SCYL3: variants seen among roughly 807,000 people sequenced by gnomAD.
The protein encoded by SCYL3 is SCY1 like pseudokinase 3.
Under a neutral mutation model 73.8 loss-of-function variants are expected in SCYL3, and 35 were observed. The ratio of observed to expected loss-of-function variants is 0.47; its 90% CI spans 0.36 to 0.63. The LOEUF (loss-of-function observed/expected upper bound fraction) is 0.63. Ranked by LOEUF, SCYL3 falls within the 20% of genes least tolerant of loss-of-function variation. SCYL3 has a pLI of 0.00. For missense variants in SCYL3, 712 were observed against 798.9 expected (o/e 0.89, Z 1.31); for synonymous variants, 277 against 295.2 (o/e 0.94, Z 0.63).
chr1:169,852,587 G>T lies in SCYL3; in HGVS notation c.*1126C>A, dbSNP rs1658524411. ...CCACATACAAACTAAGACACTGGTAGTAGCACTCTGAATTGCTATGATAAA... is the reference window on the plus strand; with the variant it reads ...CCACATACAAACTAAGACACTGGTATTAGCACTCTGAATTGCTATGATAAA... On this transcript the variant is annotated 3_prime_UTR_variant, in exon 13 of 13. Coordinates refer to ENST00000367771, the MANE Select transcript of SCYL3 (RefSeq NM_020423.7). 1.2e-5 allele frequency: 7 copies of T among 585,308 alleles called. 1 individual carries two copies. The South Asian group carries it at 1.3e-4, about 11-fold the overall frequency. The allele number at this position is 585,308 out of a possible 1,614,324, so 36.3% of individuals were successfully genotyped here.
In SCYL3 at chr1:169,885,607, T is replaced by C. The variant is rs570692223; in HGVS notation, c.165+3069A>G. On this transcript the variant is annotated intron_variant, in intron 2 of 12. Coordinates refer to ENST00000367771, the MANE Select transcript of SCYL3 (RefSeq NM_020423.7). ...TAAGACAAAATGCAGATGCTTTTTT[T>C]TTTGTAAATGTCCACTATCTGAAGG... Among the ~76,000 whole-genome samples the C allele has an allele frequency of 1.6e-4, 25 of 152,330 alleles. No individual in the cohort carries two copies. The South Asian group carries it at 5.2e-3, about 32-fold the overall frequency.
intron 9 of SCYL3, among the ~76,000 whole-genome samples, chr1:169,863,582 T>C (rs376889364): frequency 6.6e-6 from 1 of 152,174 alleles, no homozygotes; most frequent in East Asian, 1.9e-4. Flanking sequence ...TTAAAAAATA[T>C]GTATACCTAT....
intron 1 of SCYL3, among the ~76,000 whole-genome samples, chr1:169,890,406 G>A (rs1481102601): frequency 2.0e-5 from 3 of 152,120 alleles, no homozygotes; most frequent in African/African-American, 4.8e-5. Context: ...CTACAAATAC[G>A]GCCAATAATT....
At chr1:169,886,177 G>GTAATCCCA (rs1558145911) in intron 2 of SCYL3, among the ~76,000 whole-genome samples, 4 of 152,100 alleles carry the variant, frequency 2.6e-5, no homozygotes, top group African/African-American at 9.7e-5. Flanking sequence ...TGGGTGTGTC[G>GTAATCCCA]GCGCGTGCCT....
chr1:169,854,603 A>T lies in SCYL3; in HGVS notation c.1674T>A (p.Ser558=). 9 of 1,614,056 alleles carry T rather than the reference A, an allele frequency of 5.6e-6. No homozygotes were observed. Among genetic ancestry groups the T allele is most frequent in the Non-Finnish European group, 7.6e-6 (9 of 1,179,984 alleles). The change falls in exon 12 of 13, where the codon TCT becomes TCA. Residue 558 remains serine, a synonymous_variant. Transcript: ENST00000367771. ...GGGGTAAGCTTGATTTCCAAGGCAT[A>T]GACTCTTCAGTGAGTGAAAGCAAAG... is the stretch of plus-strand genomic sequence containing the variant. ...IPALLSLTEE[S]MPWKSSLPQK...
rs1164398563 is a variant in SCYL3 at position 169,853,333 on chromosome 1, G to A, written c.*380C>T. ...TTTTAAAGTTGTATTTCATAATAGA[G>A]CTTACTCTTATGTTAAAGAATGGCA... is the stretch of plus-strand genomic sequence containing the variant. On this transcript the variant is annotated 3_prime_UTR_variant, in exon 13 of 13. Coordinates refer to ENST00000367771, the MANE Select transcript of SCYL3 (RefSeq NM_020423.7). 3.0e-6 allele frequency: 1 copy of A among 329,420 alleles called. No homozygotes were observed. The highest frequency in any genetic ancestry group is 2.1e-5 in the African/African-American group (1 of 46,622). The allele number at this position is 329,420 out of a possible 1,614,324, so 20.4% of individuals were successfully genotyped here. A position where few individuals can be genotyped will look rare whatever the true frequency, so the allele number is the denominator to read the frequency against.
rs143920166 is a variant in SCYL3, at chr1:169,850,285, A to G, written c.*3428T>C. The G allele has an allele frequency of 2.7e-5, 44 of 1,610,762 alleles. No individual in the cohort carries two copies. Among genetic ancestry groups the G allele is most frequent in the Non-Finnish European group, 3.5e-5 (41 of 1,177,374 alleles). ...AATAGGGAACAAATCATGAAGAGAT[A>G]GTTCCACAGTGTCTCAGTTCTGAAG... is the stretch of plus-strand genomic sequence containing the variant. On this transcript the variant is annotated 3_prime_UTR_variant, in exon 13 of 13. Coordinates refer to ENST00000367771, the MANE Select transcript of SCYL3 (RefSeq NM_020423.7).
At chr1:169,864,318 A>C in intron 9 of SCYL3, 51 bp downstream of exon 9, 1 of 1,609,564 alleles carries the variant, frequency 6.2e-7, no homozygotes. Flanking sequence ...AATATGGACT[A>C]ATAATCACCA....
chr1:169,878,226 T>C (rs559685172), intron 3 of SCYL3, among the ~76,000 whole-genome samples: 1 of 152,358 alleles, frequency 6.6e-6, no homozygotes, highest in South Asian at 2.1e-4. Flanking sequence ...AAATGGTCAT[T>C]TCTTTCTTCA....
intron 9 of SCYL3, among the ~76,000 whole-genome samples, chr1:169,864,142 A>G (rs1378498128): frequency 6.6e-6 from 1 of 152,206 alleles, no homozygotes; most frequent in East Asian, 1.9e-4. Context: ...CTAGTCAGAT[A>G]TAACACTTAC....
At position 169,853,260 on chromosome 1, in the gene SCYL3, G is replaced by C. The variant is rs1482580056; in HGVS notation, c.*453C>G. The C allele has an allele frequency of 2.4e-6, 1 of 413,086 alleles. No individual in the cohort carries two copies. Among genetic ancestry groups the C allele is most frequent in the Non-Finnish European group, 4.3e-6 (1 of 233,428 alleles). 25.6% of individuals were successfully genotyped at this position (413,086 alleles called of 1,614,324 possible). A position where few individuals can be genotyped will look rare whatever the true frequency, so the allele number is the denominator to read the frequency against. ...GTAAACAAATAAATAAGCTGCCTAA[G>C]GAAACCTCAGCAATTTAAAATCATT... On this transcript the variant is annotated 3_prime_UTR_variant, in exon 13 of 13. Coordinates refer to ENST00000367771, the MANE Select transcript of SCYL3 (RefSeq NM_020423.7).
In SCYL3 at chr1:169,887,826, T is replaced by C. The variant is rs1661791726; in HGVS notation, c.165+850A>G. On this transcript the variant is annotated intron_variant, in intron 2 of 12. Transcript: ENST00000367771. ...GTGAAGACCAAAATTCCATTACTAATATAATCCTTTATAATCATTTTAAAA... is the reference window on the plus strand; with the variant it reads ...GTGAAGACCAAAATTCCATTACTAACATAATCCTTTATAATCATTTTAAAA... 3.3e-5 allele frequency among the ~76,000 whole-genome samples: 5 copies of C among 152,298 alleles called. No individual in the cohort carries two copies. In the South Asian group the frequency reaches 1.0e-3, roughly 32 times the overall value.
chr1:169,865,508 T>G (rs1659976564), intron 8 of SCYL3, among the ~76,000 whole-genome samples: 1 of 152,076 alleles, frequency 6.6e-6, no homozygotes, highest in Admixed American at 6.5e-5. Context: ...GCACCAACCA[T>G]CTCCCCAACT....
chr1:169,876,604 C>T (rs1351656692), intron 3 of SCYL3, among the ~76,000 whole-genome samples: 1 of 152,034 alleles, frequency 6.6e-6, no homozygotes, highest in African/African-American at 2.4e-5. Flanking sequence ...TGTTAGTAGG[C>T]ATTAAAAAAA....
At chr1:169,884,972 TAGCA>T (rs1661573728) in intron 2 of SCYL3, among the ~76,000 whole-genome samples, 1 of 152,184 alleles carries the variant, frequency 6.6e-6, no homozygotes, top group African/African-American at 2.4e-5. Context: ...CTCTAAAGAA[TAGCA>T]ACAAGACATA....
intron 8 of SCYL3, among the ~76,000 whole-genome samples, chr1:169,865,814 C>T (rs935604233): frequency 2.0e-5 from 3 of 152,138 alleles, no homozygotes; most frequent in Non-Finnish European, 4.4e-5. Flanking sequence ...ATTCCCTACT[C>T]CTTTGGGAAT....
At chr1:169,855,008 A>G (rs539491630) in intron 11 of SCYL3, 44 bp from the exon 12 acceptor site, 27 of 1,369,762 alleles carry the variant, frequency 2.0e-5, no homozygotes, top group Admixed American at 1.2e-4. Flanking sequence ...GGTTAAAGGT[A>G]AGAACTACAC....
chr1:169,871,450 C>T (rs1301043761), intron 5 of SCYL3, among the ~76,000 whole-genome samples: 4 of 152,192 alleles, frequency 2.6e-5, no homozygotes, highest in Non-Finnish European at 2.9e-5. Context: ...TCCCCAGCCA[C>T]GTGGAACTTT....
chr1:169,859,054 G>A lies in SCYL3; in HGVS notation c.1299C>T (p.Asp433=). 1.2e-6 allele frequency: 2 copies of A among 1,612,954 alleles called. No individual in the cohort carries two copies. Among genetic ancestry groups the A allele is most frequent in the Non-Finnish European group, 1.7e-6 (2 of 1,179,706 alleles). The change falls in exon 11 of 13, where the codon GAC becomes GAT. Residue 433 remains aspartate (D), a synonymous_variant. Transcript: ENST00000367771. ...AATAATTCTTACCTTCTAGAGAAAG[G>A]TCAGTATTTTTAGTAAAACTTGGGG... ...RTAPSFTKNT[D]LSLEGDPFSQ...
Sources: allele counts gnomAD v4.1 joint callset (sites outside exome capture counted in the v4.1 genomes callset), GRCh38; gene constraint gnomAD v4.1.1; transcripts MANE v1.5; gene names NCBI Gene and HGNC (gene_info 2026-07-23, HGNC 2026-07-21).